Variants in SORCS1 observed in about 807,000 individuals in gnomAD.
The protein encoded by SORCS1 is sortilin related VPS10 domain containing receptor 1.
Under a neutral mutation model 146.1 loss-of-function variants are expected in SORCS1, and 60 were observed. That is an observed-to-expected ratio of 0.41 (90% confidence interval 0.33 to 0.51). The LOEUF is 0.51. SORCS1 is among the 20% of genes least tolerant of loss of function. The probability of loss-of-function intolerance (pLI) is 0.21; values close to 1 mark genes in which losing one functional copy is unlikely to be tolerated. For synonymous variants in SORCS1, 637 were observed against 584.0 expected (o/e 1.09, Z -1.31); for missense variants, 1,352 against 1,487.6 (o/e 0.91, Z 1.50).
intron 3 of SORCS1, among the ~76,000 whole-genome samples, chr10:106,806,577 A>G (rs903415703): frequency 6.0e-5 from 7 of 115,834 alleles, no homozygotes; most frequent in African/African-American, 1.7e-4. Context: ...GTGCAGTGGC[A>G]TGATCTCCGG....
At chr10:106,875,896 T>C (rs1311384770) in intron 2 of SORCS1, among the ~76,000 whole-genome samples, 1 of 152,196 alleles carries the variant, frequency 6.6e-6, no homozygotes, top group Non-Finnish European at 1.5e-5. Context: ...TAAGTGACAC[T>C]GATGGCTTGG....
chr10:107,038,701 G>GC (rs979709073), intron 1 of SORCS1, among the ~76,000 whole-genome samples: 4 of 19,416 alleles, frequency 2.1e-4, no homozygotes, highest in Non-Finnish European at 4.8e-4. Flanking sequence ...GGGGGCGGGG[G>GC]GGGAGGTGGT....
At chr10:106,969,893 A>T (rs1321216047) in intron 1 of SORCS1, 1 of 152,224 alleles carries the variant, frequency 6.6e-6, no homozygotes, top group Non-Finnish European at 1.5e-5. Flanking sequence ...AGGACTCCCC[A>T]TTAGATGCTC....
At chr10:107,072,160 G>A (rs1248065754) in intron 1 of SORCS1, among the ~76,000 whole-genome samples, 1 of 152,188 alleles carries the variant, frequency 6.6e-6, no homozygotes, top group Non-Finnish European at 1.5e-5. Context: ...GAGCAAATAA[G>A]GAACCAGCCC....
At chr10:107,088,823 A>G (rs1021072282) in intron 1 of SORCS1, among the ~76,000 whole-genome samples, 2 of 152,198 alleles carry the variant, frequency 1.3e-5, no homozygotes, top group Non-Finnish European at 2.9e-5. Flanking sequence ...TGAATTTGTC[A>G]TGGTTCCTCC....
intron 1 of SORCS1, among the ~76,000 whole-genome samples, chr10:106,980,304 C>A (rs1482024945): frequency 6.6e-6 from 1 of 152,184 alleles, no homozygotes; most frequent in African/African-American, 2.4e-5. Flanking sequence ...GCCAAAGCTA[C>A]ATAAAGGAAT....
chr10:106,588,721 C>T (rs934291114), intron 24 of SORCS1, among the ~76,000 whole-genome samples: 2 of 151,510 alleles, frequency 1.3e-5, no homozygotes, highest in East Asian at 1.9e-4. Flanking sequence ...ATTAGCCGGG[C>T]GTGGTGGCAG....
At chr10:107,089,380 G>A (rs1471837315) in intron 1 of SORCS1, among the ~76,000 whole-genome samples, 1 of 152,144 alleles carries the variant, frequency 6.6e-6, no homozygotes, top group Non-Finnish European at 1.5e-5. Context: ...TATGAGTAGT[G>A]TACATAGCCT....
chr10:106,781,891 G>A (rs1286000140), intron 3 of SORCS1, among the ~76,000 whole-genome samples: 3 of 152,120 alleles, frequency 2.0e-5, no homozygotes, highest in South Asian at 4.1e-4. Context: ...AGGGGAGGAA[G>A]GGGATTAAAA....
At chr10:106,900,219 A>G (rs1589663699) in intron 2 of SORCS1, among the ~76,000 whole-genome samples, 1 of 152,180 alleles carries the variant, frequency 6.6e-6, no homozygotes, top group Non-Finnish European at 1.5e-5. Flanking sequence ...CTCTGTTTGT[A>G]AAAACAAAAG....
chr10:107,148,770 C>A (rs1968536836), intron 1 of SORCS1, among the ~76,000 whole-genome samples: 1 of 152,104 alleles, frequency 6.6e-6, no homozygotes, highest in South Asian at 2.1e-4. Context: ...ACCAAATGAA[C>A]ATCAAGGAGA....
At chr10:106,806,304 G>T (rs1023228728) in intron 3 of SORCS1, among the ~76,000 whole-genome samples, 6 of 147,800 alleles carry the variant, frequency 4.1e-5, no homozygotes, top group African/African-American at 1.5e-4. Context: ...GGAGGCAGAG[G>T]TTGCAGTGAG....
rs537636236 is a variant in SORCS1, at chr10:106,872,091, C to T, written c.627-42418G>A. Among the ~76,000 whole-genome samples, 5 of 152,092 alleles carry T rather than the reference C, an allele frequency of 3.3e-5. No individual in the cohort carries two copies. In the South Asian group the frequency reaches 1.0e-3, roughly 32 times the overall value. On this transcript the variant is annotated intron_variant, in intron 2 of 25. Transcript: ENST00000263054. The stretch of plus-strand genomic sequence containing the variant: ...GTGGAAATAGAGTATGAACAATAAA[C>T]AAACATATAAGTAATTTTTAAAGGG...
chr10:106,782,255 G>GA (rs1292275611), intron 3 of SORCS1, among the ~76,000 whole-genome samples: 4 of 152,088 alleles, frequency 2.6e-5, no homozygotes, highest in East Asian at 1.9e-4. Context: ...TTTTTTAACG[G>GA]AAAAAAACAA....
chr10:106,996,075 A>AC lies in SORCS1; in HGVS notation c.559-39496dup, dbSNP rs1956986283. On this transcript the variant is annotated intron_variant, in intron 1 of 25. Transcript: ENST00000263054. ...GCCAAGACGGTGAAATCCTGTCTCT[A>AC]CTAAAAATACAAAAATTAGCCAGGC... 2.6e-5 allele frequency among the ~76,000 whole-genome samples: 4 copies of AC among 152,120 alleles called. No homozygotes were observed. The South Asian group carries it at 8.3e-4, about 32-fold the overall frequency.
intron 2 of SORCS1, among the ~76,000 whole-genome samples, chr10:106,897,319 C>G (rs1951528170): frequency 6.6e-6 from 1 of 152,156 alleles, no homozygotes; most frequent in African/African-American, 2.4e-5. Flanking sequence ...CATAAGCCAC[C>G]ATACCTGGCC....
At chr10:106,785,894 T>C (rs1273477048) in intron 3 of SORCS1, among the ~76,000 whole-genome samples, 2 of 152,204 alleles carry the variant, frequency 1.3e-5, no homozygotes, top group South Asian at 2.1e-4. Flanking sequence ...TCTTCAGTTA[T>C]TTAATGACAA....
intron 9 of SORCS1, among the ~76,000 whole-genome samples, chr10:106,697,982 G>C (rs1853836570): frequency 6.6e-6 from 1 of 152,100 alleles, no homozygotes; most frequent in South Asian, 2.1e-4. Flanking sequence ...AGAAGAAGTG[G>C]AAAAACTTAT....
intron 2 of SORCS1, among the ~76,000 whole-genome samples, chr10:106,895,710 T>C (rs1186915000): frequency 6.6e-6 from 1 of 152,200 alleles, no homozygotes. Flanking sequence ...ACAACCACTA[T>C]GGAAAATGGT....
Sources: gnomAD v4.1 joint callset for allele counts (sites outside exome capture counted in the v4.1 genomes callset) on GRCh38, gnomAD v4.1.1 for gene constraint, MANE v1.5 for transcripts, NCBI Gene and HGNC (gene_info 2026-07-23, HGNC 2026-07-21) for gene names.